The following KIAA1549L variants were observed in gnomAD, a reference collection of about 807,000 sequenced individuals.
KIAA1549L encodes UPF0606 protein KIAA1549L.
A neutral mutation model predicts 160.7 loss-of-function variants in KIAA1549L; 88 were observed. The ratio of observed to expected loss-of-function variants is 0.55; its 90% CI spans 0.46 to 0.65. The LOEUF is 0.65. KIAA1549L is among the 30% of genes least tolerant of loss of function. The pLI, the probability that KIAA1549L is intolerant of heterozygous loss-of-function variation, is 0.00. For synonymous variants in KIAA1549L, 950 were observed against 976.7 expected (o/e 0.97, Z 0.51); for missense variants, 2,258 against 2,437.5 (o/e 0.93, Z 1.55).
chr11:33,538,012 G>A (rs771336371), intron 1 of KIAA1549L, among the ~76,000 whole-genome samples: 5 of 152,180 alleles, frequency 3.3e-5, no homozygotes, highest in Non-Finnish European at 5.9e-5. Flanking sequence ...ATTTATAAAG[G>A]AAAGAGTTTT....
chr11:33,392,460 T>C (rs1301159813), intron 1 of KIAA1549L, among the ~76,000 whole-genome samples: 1 of 152,158 alleles, frequency 6.6e-6, no homozygotes, highest in African/African-American at 2.4e-5. Flanking sequence ...TTATGACTCT[T>C]TTTCTGAGGT....
At chr11:33,626,522 A>G (rs1387108342) in intron 16 of KIAA1549L, among the ~76,000 whole-genome samples, 5 of 141,944 alleles carry the variant, frequency 3.5e-5, no homozygotes, top group African/African-American at 1.1e-4. Context: ...CTTTGAAGCA[A>G]TTGTGAATGG....
chr11:33,385,295 A>G (rs549790508), intron 1 of KIAA1549L, among the ~76,000 whole-genome samples: 11 of 152,292 alleles, frequency 7.2e-5, no homozygotes, highest in African/African-American at 2.6e-4. Flanking sequence ...ACTTCTCTCC[A>G]TATGCCAGTA....
chr11:33,435,997 A>G (rs1851372762), intron 1 of KIAA1549L, among the ~76,000 whole-genome samples: 1 of 149,294 alleles, frequency 6.7e-6, no homozygotes, highest in South Asian at 2.1e-4. Context: ...AAATGATACA[A>G]ATAATAAACT....
Position 33,542,682 on chromosome 11 carries a change from A to G in KIAA1549L, c.1119A>G (p.Ser373=). 3 of 1,613,730 alleles carry G rather than the reference A, an allele frequency of 1.9e-6. No homozygotes were observed. The Middle Eastern group carries it at 5.0e-4, about 266-fold the overall frequency. ...SLLQLPDGSP[S]WSMLEVASGP... is the part of the protein sequence containing the mutation. ...TTCAGCTTCCAGATGGAAGCCCCTC[A>G]TGGTCAATGTTGGAAGTGGCTTCAG... The change falls in exon 2 of 21, where the codon TCA becomes TCG. Residue 373 remains serine (S), a synonymous_variant. Transcript: ENST00000658780.
At chr11:33,389,590 C>G (rs1477224353) in intron 1 of KIAA1549L, among the ~76,000 whole-genome samples, 1 of 152,200 alleles carries the variant, frequency 6.6e-6, no homozygotes, top group East Asian at 1.9e-4. Context: ...ATGAATCAAG[C>G]TGGTGAACCC....
intron 1 of KIAA1549L, among the ~76,000 whole-genome samples, chr11:33,475,050 C>G (rs527826634): frequency 6.6e-6 from 1 of 152,076 alleles, no homozygotes; most frequent in Non-Finnish European, 1.5e-5. Flanking sequence ...GTTGCTGCTG[C>G]GGAGCTGTGA....
chr11:33,509,920 TTC>T (rs1853186616), intron 1 of KIAA1549L, among the ~76,000 whole-genome samples: 1 of 152,174 alleles, frequency 6.6e-6, no homozygotes, highest in South Asian at 2.1e-4. Flanking sequence ...AGGGACTCAT[TTC>T]TCTCTGTCAG....
intron 7 of KIAA1549L, 128 bp downstream of exon 7, chr11:33,560,039 G>A: frequency 1.1e-6 from 1 of 881,938 alleles, no homozygotes; most frequent in Non-Finnish European, 1.8e-6. Flanking sequence ...AATATGTGAT[G>A]GATTAAGGTG....
chr11:33,477,085 T>G lies in KIAA1549L; in HGVS notation c.239-64717T>G, dbSNP rs190036130. On this transcript the variant is annotated intron_variant, in intron 1 of 20. Coordinates refer to ENST00000658780, the MANE Select transcript of KIAA1549L (RefSeq NM_012194.3). ...CTGGCAACTCATGGTCAGTGCTTGA[T>G]CAGGCCAAAGGCAGTAACACTTCAG... Among the ~76,000 whole-genome samples, 250 of 152,294 alleles carry G rather than the reference T, an allele frequency of 1.6e-3. 1 individual carries two copies. Among genetic ancestry groups the G allele is most frequent in the African/African-American group, 5.9e-3 (244 of 41,570 alleles).
intron 4 of KIAA1549L, 30 bp from the exon 5 acceptor site, chr11:33,551,010 A>G (rs767477159): frequency 1.6e-5 from 26 of 1,578,818 alleles, no homozygotes; most frequent in Admixed American, 1.2e-4. Context: ...GAAATAAACA[A>G]TGGGTTTTGT....
Position 33,391,380 on chromosome 11 carries a change from G to A in KIAA1549L, c.238+14491G>A, listed in dbSNP as rs376278167. Among the ~76,000 whole-genome samples the A allele has an allele frequency of 7.1e-4, 108 of 152,304 alleles. 1 individual carries two copies. Among genetic ancestry groups the A allele is most frequent in the African/African-American group, 2.5e-3 (104 of 41,564 alleles). On this transcript the variant is annotated intron_variant, in intron 1 of 20. Coordinates refer to ENST00000658780, the MANE Select transcript of KIAA1549L (RefSeq NM_012194.3). ...ATCATGTTTCAAACCTAGGGATGCG[G>A]AGTCCACGTGGTACCCTAGTAGATG...
At chr11:33,453,216 G>T (rs1243893590) in intron 1 of KIAA1549L, among the ~76,000 whole-genome samples, 2 of 152,196 alleles carry the variant, frequency 1.3e-5, no homozygotes. Context: ...GAAAATTTGA[G>T]ATTTCATGGA....
chr11:33,557,954 A>G (rs997382848), intron 6 of KIAA1549L, among the ~76,000 whole-genome samples: 6 of 148,866 alleles, frequency 4.0e-5, no homozygotes, highest in Non-Finnish European at 5.9e-5. Context: ...TCAATCTTCC[A>G]CTTATGGGAA....
intron 1 of KIAA1549L, among the ~76,000 whole-genome samples, chr11:33,448,852 T>A (rs923817256): frequency 1.3e-5 from 2 of 152,236 alleles, no homozygotes; most frequent in Non-Finnish European, 1.5e-5. Flanking sequence ...AGACAACCTT[T>A]GAAAACTATT....
intron 1 of KIAA1549L, among the ~76,000 whole-genome samples, chr11:33,405,623 C>T (rs1222078031): frequency 6.6e-6 from 1 of 150,598 alleles, no homozygotes; most frequent in African/African-American, 2.4e-5. Flanking sequence ...GTGGGTGGAT[C>T]ACAAGGTTGA....
At chr11:33,638,109 G>A (rs1851484639) in intron 16 of KIAA1549L, among the ~76,000 whole-genome samples, 1 of 152,112 alleles carries the variant, frequency 6.6e-6, no homozygotes, top group Non-Finnish European at 1.5e-5. Context: ...CTTTTAGTAT[G>A]GGAAAATTGA....
chr11:33,638,005 C>T (rs1241057867), intron 16 of KIAA1549L, among the ~76,000 whole-genome samples: 1 of 152,220 alleles, frequency 6.6e-6, no homozygotes, highest in African/African-American at 2.4e-5. Context: ...TGGGCAACCT[C>T]TTCTCCTCCT....
At position 33,552,126 on chromosome 11, in the gene KIAA1549L, A is replaced by C; in HGVS notation, c.3740A>C (p.Gln1247Pro). 6.2e-7 allele frequency: 1 copy of C among 1,613,664 alleles called. No homozygotes were observed. The highest frequency in any genetic ancestry group is 8.5e-7 in the Non-Finnish European group (1 of 1,179,774). The change falls in exon 6 of 21, where the codon CAA becomes CCA. Residue 1247 changes from glutamine (Q) to proline (P), a missense_variant. This residue lies in a region of KIAA1549L where 1,359 missense variants were observed against 1,546.6 expected (regional missense o/e 0.88). Transcript: ENST00000658780. ...ATTCTAGTGCTGCAGTTTGTGAGCC[A>C]AGCGGACAACATACAGTCCTGCAAG... is the stretch of plus-strand genomic sequence containing the variant. ...QLKTVLQFVSQADNIQSCKFA... is the reference protein window; with the variant it reads ...QLKTVLQFVSPADNIQSCKFA...
Sources: gnomAD v4.1 joint callset for allele counts (sites outside exome capture counted in the v4.1 genomes callset) on GRCh38, gnomAD v4.1.1 for gene constraint, gnomAD v4.1.1 regional missense constraint, MANE v1.5 for transcripts, NCBI Gene and HGNC (gene_info 2026-07-23, HGNC 2026-07-21) for gene names.